Variants in GSTCD observed in about 807,000 individuals in gnomAD.
GSTCD encodes the protein glutathione S-transferase C-terminal domain containing.
Under a neutral mutation model 68.3 loss-of-function variants are expected in GSTCD, and 44 were observed. That is an observed-to-expected ratio of 0.64 (90% CI 0.51 to 0.83). The LOEUF (loss-of-function observed/expected upper bound fraction) is 0.83, where lower values mean the gene tolerates loss of function less well. GSTCD is among the 40% of genes least tolerant of loss of function. The probability of loss-of-function intolerance (pLI) is 0.00; values close to 1 mark genes in which losing one functional copy is unlikely to be tolerated. For synonymous variants in GSTCD, 273 were observed against 255.2 expected, an observed-to-expected ratio of 1.07 and a Z score of -0.67; for missense variants, 739 against 735.9, an observed-to-expected ratio of 1.00 and a Z score of -0.05.
intron 5 of GSTCD, among the ~76,000 whole-genome samples, chr4:105,769,867 C>T (rs1734773797): frequency 6.6e-6 from 1 of 152,092 alleles, no homozygotes; most frequent in Admixed American, 6.6e-5. Context: ...GTGATCCTCT[C>T]ACCTCAGCCT....
chr4:105,715,362 C>T (rs557243333), intron 1 of GSTCD, among the ~76,000 whole-genome samples: 2 of 152,038 alleles, frequency 1.3e-5, no homozygotes, highest in African/African-American at 2.4e-5. Context: ...AAAATTATCT[C>T]TCAGTGACAA....
chr4:105,759,184 C>T (rs1030797858), intron 5 of GSTCD, among the ~76,000 whole-genome samples: 4 of 152,068 alleles, frequency 2.6e-5, no homozygotes, highest in African/African-American at 7.2e-5. Flanking sequence ...TCAGGTTAAA[C>T]AACATAGAGC....
intron 5 of GSTCD, among the ~76,000 whole-genome samples, chr4:105,792,202 G>A (rs1354148663): frequency 6.6e-6 from 1 of 151,974 alleles, no homozygotes; most frequent in Non-Finnish European, 1.5e-5. Context: ...TTAATGTAGT[G>A]TGATCTACTG....
intron 5 of GSTCD, among the ~76,000 whole-genome samples, chr4:105,780,194 A>C (rs1278121112): frequency 2.6e-5 from 4 of 152,186 alleles, no homozygotes; most frequent in African/African-American, 9.7e-5. Flanking sequence ...TCCTCACCAC[A>C]TCAGTTGCCT....
In GSTCD at chr4:105,825,725, T is replaced by C; in HGVS notation, c.1455T>C (p.Ser485=). ...CATTAATTCGTGCTAAGAAGAGAAG[T>C]GATGAACTGGGTTTAAGCAACATTT... ...ELSLIRAKKR[S]DELGLSNIWF... The change falls in exon 8 of 12, where the codon AGT becomes AGC. Residue 485 remains serine (S), a synonymous_variant. Coordinates refer to ENST00000515279, the MANE Select transcript of GSTCD (RefSeq NM_001370181.1). The C allele has an allele frequency of 6.5e-7, 1 of 1,532,688 alleles. No individual in the cohort carries two copies. Among genetic ancestry groups the C allele is most frequent in the Non-Finnish European group, 9.0e-7 (1 of 1,106,974 alleles). The allele number at this position is 1,532,688 out of a possible 1,614,324, so 94.9% of individuals were successfully genotyped here.
intron 5 of GSTCD, among the ~76,000 whole-genome samples, chr4:105,764,811 C>G (rs1734545109): frequency 6.6e-6 from 1 of 152,204 alleles, no homozygotes; most frequent in South Asian, 2.1e-4. Context: ...TGTGGGTAAT[C>G]TGCCAGGTTC....
chr4:105,719,163 T>C lies in GSTCD; in HGVS notation c.530T>C (p.Leu177Pro), dbSNP rs1398340329. Residue 177 changes from leucine to proline, a missense_variant, in exon 3 of 12, where the codon CTA becomes CCA. Transcript: ENST00000515279. ...CCCCCAACTATACCTGTAGAAATAC[T>C]ACAGCTAGAGAAAAAGCTTAGTGAG... ...DQPPTIPVEI[L>P]QLEKKLSEPV... 5 of 1,614,018 alleles carry C rather than the reference T, an allele frequency of 3.1e-6. No individual in the cohort carries two copies. Among genetic ancestry groups the C allele is most frequent in the Non-Finnish European group, 4.2e-6 (5 of 1,180,010 alleles).
chr4:105,844,016 G>A (rs960711170), intron 11 of GSTCD, among the ~76,000 whole-genome samples: 1 of 152,114 alleles, frequency 6.6e-6, no homozygotes, highest in East Asian at 1.9e-4. Context: ...GCCCACAAAG[G>A]TAGACTATCA....
chr4:105,841,332 AAAAG>A (rs1377827850), intron 10 of GSTCD, among the ~76,000 whole-genome samples: 6 of 152,038 alleles, frequency 3.9e-5, no homozygotes, highest in East Asian at 3.9e-4. Context: ...TCAAAAAAAA[AAAAG>A]AAAGAAAAGA....
intron 10 of GSTCD, among the ~76,000 whole-genome samples, chr4:105,841,864 T>A (rs377138430): frequency 2.0e-4 from 30 of 152,056 alleles, no homozygotes; most frequent in African/African-American, 7.0e-4. Context: ...AACAAAAAAA[T>A]ACAGTGTACT....
intron 3 of GSTCD, among the ~76,000 whole-genome samples, chr4:105,721,144 G>A (rs1732846825): frequency 6.6e-6 from 1 of 151,882 alleles, no homozygotes; most frequent in Admixed American, 6.6e-5. Context: ...GCTAATTTTT[G>A]TATTTTTTAA....
chr4:105,807,285 A>G (rs953128196), intron 5 of GSTCD: 1 of 152,062 alleles, frequency 6.6e-6, no homozygotes, highest in African/African-American at 2.4e-5. Context: ...TGTGTCTCCT[A>G]AGAAAAAGGG....
At chr4:105,845,315 A>T (rs1167894020) in intron 11 of GSTCD, 126 bp from the exon 12 acceptor site, 2 of 911,690 alleles carry the variant, frequency 2.2e-6, no homozygotes, top group Non-Finnish European at 1.7e-6. Context: ...ACTAAACAAG[A>T]CTTAGGGGTA....
At chr4:105,785,064 G>A (rs979687786) in intron 5 of GSTCD, among the ~76,000 whole-genome samples, 3 of 152,106 alleles carry the variant, frequency 2.0e-5, no homozygotes, top group African/African-American at 7.2e-5. Context: ...GTCAGTTTGT[G>A]TATATGTTTG....
At chr4:105,768,295 G>T (rs1578455266) in intron 5 of GSTCD, among the ~76,000 whole-genome samples, 1 of 152,050 alleles carries the variant, frequency 6.6e-6, no homozygotes, top group Admixed American at 6.6e-5. Context: ...CTCCCAAAGT[G>T]CTAGGCTTAC....
chr4:105,840,286 T>G lies in GSTCD; in HGVS notation c.1696-1779T>G, dbSNP rs1346670934. ...AAGTGCACACTGTTTCTTCAAATCA[T>G]GTAATTCTAAATTTTCCTTCTCTCC... On this transcript the variant is annotated intron_variant, in intron 10 of 11. Coordinates refer to ENST00000515279, the MANE Select transcript of GSTCD (RefSeq NM_001370181.1). 9 of 426,440 alleles carry G rather than the reference T, an allele frequency of 2.1e-5. No individual in the cohort carries two copies. In the East Asian group the frequency reaches 5.7e-4, roughly 27 times the overall value. 26.4% of individuals were successfully genotyped at this position (426,440 alleles called of 1,614,324 possible).
intron 7 of GSTCD, among the ~76,000 whole-genome samples, chr4:105,823,876 C>T (rs1029296295): frequency 1.3e-5 from 2 of 152,054 alleles, no homozygotes; most frequent in African/African-American, 2.4e-5. Flanking sequence ...AATAGTTTTA[C>T]GTATCATCAT....
intron 5 of GSTCD, among the ~76,000 whole-genome samples, chr4:105,731,315 C>A (rs138384630): frequency 6.6e-6 from 1 of 152,072 alleles, no homozygotes; most frequent in Non-Finnish European, 1.5e-5. Context: ...TATAAATTAC[C>A]TTGGGCAGTA....
intron 5 of GSTCD, among the ~76,000 whole-genome samples, chr4:105,758,917 G>A (rs537535536): frequency 5.3e-4 from 80 of 152,180 alleles, no homozygotes; most frequent in Non-Finnish European, 9.4e-4. Flanking sequence ...ATCATCACAA[G>A]GTTAGATATT....
Sources: allele counts gnomAD v4.1 joint callset (sites outside exome capture counted in the v4.1 genomes callset), GRCh38; gene constraint gnomAD v4.1.1; transcripts MANE v1.5; gene names NCBI Gene and HGNC (gene_info 2026-07-23, HGNC 2026-07-21).